GRHL3: variants seen among roughly 807,000 people sequenced by gnomAD.
GRHL3 encodes grainyhead like transcription factor 3.
Under a neutral mutation model 70.3 loss-of-function variants are expected in GRHL3, and 20 were observed. That is an observed-to-expected ratio of 0.28 (90% confidence interval 0.20 to 0.41). GRHL3 has a LOEUF of 0.41. Ranked by LOEUF, GRHL3 falls within the 10% of genes least tolerant of loss-of-function variation. The pLI is 1.00. For missense variants in GRHL3, 637 were observed against 762.3 expected (o/e 0.84, Z 1.94); for synonymous variants, 299 against 299.9 (o/e 1.00, Z 0.03).
intron 11 of GRHL3, chr1:24,343,401 C>T (rs1640126975): frequency 4.5e-6 from 1 of 222,988 alleles, no homozygotes; most frequent in South Asian, 8.6e-5. Context: ...ACCGTCCTTA[C>T]CCTTCTCTAC....
At chr1:24,337,482 CA>C in intron 5 of GRHL3, 153 bp from the exon 6 acceptor site, 2 of 757,324 alleles carry the variant, frequency 2.6e-6, no homozygotes, top group South Asian at 3.7e-5. Context: ...ATAGAACCCC[CA>C]AATTGAGGAA....
Position 24,334,491 on chromosome 1 carries a change from G to A in GRHL3, c.205-154G>A, listed in dbSNP as rs765409578. On this transcript the variant is annotated intron_variant, in intron 2 of 15. Coordinates refer to ENST00000361548, the MANE Select transcript of GRHL3 (RefSeq NM_198173.3). The surrounding 1 kb of genome is among the most constrained non-coding windows in gnomAD (Gnocchi z 4.3). ...TTACCTCCCACTCCCATGTGATTAT[G>A]GGAACTACGATTCAAGATGAGATTT... is the stretch of plus-strand genomic sequence containing the variant. 8.6e-5 allele frequency among the ~76,000 whole-genome samples: 13 copies of A among 152,044 alleles called. No individual in the cohort carries two copies. Among genetic ancestry groups the A allele is most frequent in the Non-Finnish European group, 1.5e-4 (10 of 67,994 alleles).
At chr1:24,340,825 C>T (rs1351198175) in intron 8 of GRHL3, among the ~76,000 whole-genome samples, 1 of 152,056 alleles carries the variant, frequency 6.6e-6, no homozygotes, top group Non-Finnish European at 1.5e-5. Context: ...GGAGGAGGAG[C>T]TGGGGCCTTG....
chr1:24,354,453 G>C lies in GRHL3; in HGVS notation c.1774G>C (p.Asp592His), dbSNP rs746651436. The C allele has an allele frequency of 4.3e-6, 7 of 1,613,748 alleles. No homozygotes were observed. The highest frequency in any genetic ancestry group is 5.9e-6 in the Non-Finnish European group (7 of 1,179,854). ...CTTCCTGCTGGACATGGGGGAGCTG[G>C]ACGGCAAAATTCAGATCATCCTTAA... ...VAFLLDMGEL[D>H]GKIQIILKEL Residue 592 changes from aspartate (D) to histidine (H), a missense_variant, in exon 16 of 16, where the codon GAC (aspartate) becomes CAC (histidine). Physicochemically the swap from Asp to His is moderately conservative, Grantham distance 81 (BLOSUM62 -1). Around this residue, in one of 2 missense-constraint regions of GRHL3, gnomAD observed 387 missense variants for 513.8 expected, o/e 0.75. Transcript: ENST00000361548.
chr1:24,344,794 C>A, intron 11 of GRHL3, 103 bp from the exon 12 acceptor site: 1 of 1,294,460 alleles, frequency 7.7e-7, no homozygotes, highest in Non-Finnish European at 1.1e-6. Flanking sequence ...AGTATTCTCC[C>A]CACCTCCCAC....
At chr1:24,332,301 G>A (rs1309005806) in intron 2 of GRHL3, among the ~76,000 whole-genome samples, 1 of 152,076 alleles carries the variant, frequency 6.6e-6, no homozygotes, top group Non-Finnish European at 1.5e-5. Flanking sequence ...TACTCCAGCT[G>A]CCATTATGTC....
At chr1:24,343,838 T>C (rs921884419) in intron 11 of GRHL3, among the ~76,000 whole-genome samples, 1 of 152,196 alleles carries the variant, frequency 6.6e-6, no homozygotes, top group African/African-American at 2.4e-5. Flanking sequence ...GTACAAGGCA[T>C]GTTTAGTGTA....
chr1:24,319,884 AGAC>A (rs1341058052), intron 1 of GRHL3: 1 of 518,462 alleles, frequency 1.9e-6, no homozygotes, highest in African/African-American at 1.9e-5. Context: ...CTTGGAAATC[AGAC>A]GACCCCAATC....
At chr1:24,359,487 T>G (rs1342335716), downstream of GRHL3, among the ~76,000 whole-genome samples, 3 of 152,202 alleles carry the variant, frequency 2.0e-5, no homozygotes, top group Non-Finnish European at 4.4e-5. This position sits in a 1 kb window ranked among gnomAD's most constrained non-coding sequence, Gnocchi z 5.3. Flanking sequence ...TCTACAGCCT[T>G]GCTGGTGTGA....
downstream of GRHL3, among the ~76,000 whole-genome samples, chr1:24,356,006 T>G (rs964606986): frequency 6.6e-6 from 1 of 151,534 alleles, no homozygotes; most frequent in African/African-American, 2.4e-5. Flanking sequence ...GTTCAAGCGA[T>G]TCTCCTGCCT....
Position 24,337,090 on chromosome 1 carries a change from C to A in GRHL3, c.625C>A (p.Pro209Thr). 1 of 1,614,048 alleles carries A rather than the reference C, an allele frequency of 6.2e-7. No homozygotes were observed. The highest frequency in any genetic ancestry group is 1.1e-5 in the South Asian group (1 of 91,056). ...TGTTTCTCTGCAGTCGATGCTCTTC[C>A]CAGATATCCTGAAAACCTCCCCGGA... ...KDDPQESMLF[P>T]DILKTSPEPP... Residue 209 changes from proline to threonine, a missense_variant, in exon 5 of 16, where the codon CCA becomes ACA. Coordinates refer to ENST00000361548, the MANE Select transcript of GRHL3 (RefSeq NM_198173.3).
At chr1:24,363,640 T>A (rs967597006) in intron 15 of GRHL3, among the ~76,000 whole-genome samples, 5 of 152,232 alleles carry the variant, frequency 3.3e-5, no homozygotes, top group African/African-American at 9.6e-5. Flanking sequence ...ACTTGTAACA[T>A]TTGTTTAAAA....
rs781025155 is a variant in GRHL3, at chr1:24,354,456, G to A, written c.1777G>A (p.Gly593Ser). 5.6e-6 allele frequency: 9 copies of A among 1,613,646 alleles called. No individual in the cohort carries two copies. The highest frequency in any genetic ancestry group is 2.2e-5 in the South Asian group (2 of 91,056). ...CCTGCTGGACATGGGGGAGCTGGAC[G>A]GCAAAATTCAGATCATCCTTAAGGA... ...AFLLDMGELDGKIQIILKEL is the reference protein window; with the variant it reads ...AFLLDMGELDSKIQIILKEL The change falls in exon 16 of 16, where the codon GGC becomes AGC. Residue 593 changes from glycine (G) to serine (S), a missense_variant. Physicochemically the swap from Gly to Ser is moderately conservative, Grantham distance 56. Coordinates refer to ENST00000361548, the MANE Select transcript of GRHL3 (RefSeq NM_198173.3).
At position 24,350,125 on chromosome 1, in the gene GRHL3, G is replaced by T. The variant is rs1553174230; in HGVS notation, c.1694+3G>T. The T allele has an allele frequency of 6.2e-7, 1 of 1,612,770 alleles. No homozygotes were observed. Among genetic ancestry groups the T allele is most frequent in the African/African-American group, 1.3e-5 (1 of 74,896 alleles). Reference sequence around the variant, plus strand: ...GTCTACAAGAAATGCAAGCGAGGGTGAGTGCCTAGTTCACCCTCCCCCAGC... The same window carrying T: ...GTCTACAAGAAATGCAAGCGAGGGTTAGTGCCTAGTTCACCCTCCCCCAGC... On this transcript the variant is annotated splice_donor_region_variant and intron_variant, in intron 15 of 15. Transcript: ENST00000361548.
At chr1:24,339,630 T>C (rs764846929) in intron 7 of GRHL3, 38 bp from the exon 8 acceptor site, 1 of 1,486,332 alleles carries the variant, frequency 6.7e-7, no homozygotes, top group South Asian at 1.2e-5. Context: ...CCAGATCCCT[T>C]CCTTCCTGAT....
In GRHL3 at chr1:24,342,787, A is replaced by T; in HGVS notation, c.1285+15A>T. 6.2e-7 allele frequency: 1 copy of T among 1,614,002 alleles called. No homozygotes were observed. Among genetic ancestry groups the T allele is most frequent in the Non-Finnish European group, 8.5e-7 (1 of 1,179,874 alleles). On this transcript the variant is annotated intron_variant, in intron 10 of 15. Coordinates refer to ENST00000361548, the MANE Select transcript of GRHL3 (RefSeq NM_198173.3). This position sits in a 1 kb window ranked among gnomAD's most constrained non-coding sequence, Gnocchi z 4.8. ...CAGCAACAGTGGTCAGTGGGGATCC[A>T]GGGCCTGGGTGGGCTCGGCTGGCGT... is the stretch of plus-strand genomic sequence containing the variant.
intron 15 of GRHL3, among the ~76,000 whole-genome samples, chr1:24,351,003 C>T (rs950286929): frequency 2.0e-5 from 3 of 152,206 alleles, no homozygotes; most frequent in Admixed American, 6.5e-5. Flanking sequence ...ACCAGCCTGG[C>T]ATAGGGCCCC....
At chr1:24,363,823 C>T (rs1641278033) in intron 15 of GRHL3, among the ~76,000 whole-genome samples, 1 of 151,388 alleles carries the variant, frequency 6.6e-6, no homozygotes, top group Non-Finnish European at 1.5e-5. Flanking sequence ...ACAGCAGGAG[C>T]AAAAGCATGG....
At chr1:24,338,679 T>A (rs1202165412) in intron 7 of GRHL3, among the ~76,000 whole-genome samples, 1 of 152,150 alleles carries the variant, frequency 6.6e-6, no homozygotes, top group East Asian at 1.9e-4. Flanking sequence ...ACAATGCTGA[T>A]TTCAGCTTAG....
Sources: gnomAD v4.1 joint callset for allele counts (sites outside exome capture counted in the v4.1 genomes callset) on GRCh38, gnomAD v4.1.1 for gene constraint, gnomAD v4.1.1 regional missense constraint, Gnocchi (gnomAD v3.1) non-coding constraint, MANE v1.5 for transcripts, NCBI Gene and HGNC (gene_info 2026-07-23, HGNC 2026-07-21) for gene names.